The following TASP1 variants were observed in gnomAD, a reference collection of about 807,000 sequenced individuals.
The protein encoded by TASP1 is taspase 1, also known as threonine aspartase 1.
A neutral mutation model predicts 56.6 loss-of-function variants in TASP1; 16 were observed. The ratio of observed to expected loss-of-function variants is 0.28; its 90% CI spans 0.19 to 0.43. TASP1 has a LOEUF of 0.43. Among genes scored for constraint, TASP1 ranks in the 20% least tolerant of loss-of-function variants. The pLI, the probability that TASP1 is intolerant of heterozygous loss-of-function variation, is 1.00. For missense variants in TASP1, 393 were observed against 511.6 expected, an observed-to-expected ratio of 0.77 and a Z score of 2.24; for synonymous variants, 179 against 184.2, an observed-to-expected ratio of 0.97 and a Z score of 0.23.
intron 10 of TASP1, among the ~76,000 whole-genome samples, chr20:13,515,548 TA>T (rs34077486): frequency 0.25 from 30,730 of 122,054 alleles, 3,885 homozygotes; most frequent in Non-Finnish European, 0.32. Flanking sequence ...TTCATACACT[TA>T]AAAAAAAAAA....
the TASP1 span, among the ~76,000 whole-genome samples, chr20:13,180,570 A>T: frequency 6.6e-6 from 1 of 152,116 alleles, no homozygotes; most frequent in East Asian, 1.9e-4. Context: ...AACATTTGTT[A>T]ATTTGTTTGC....
intron 4 of TASP1, among the ~76,000 whole-genome samples, chr20:13,606,179 A>G (rs1354955565): frequency 6.6e-6 from 1 of 151,896 alleles, no homozygotes; most frequent in Admixed American, 6.6e-5. Context: ...TGTATGTATA[A>G]ATACCTGAGG....
chr20:13,370,576 A>T, the TASP1 span, among the ~76,000 whole-genome samples: 2 of 152,182 alleles, frequency 1.3e-5, no homozygotes, highest in African/African-American at 4.8e-5. Flanking sequence ...TTAAAATGAC[A>T]TTTATAATGT....
chr20:13,520,064 A>C (rs1462163158), intron 10 of TASP1, among the ~76,000 whole-genome samples: 1 of 152,222 alleles, frequency 6.6e-6, no homozygotes, highest in Non-Finnish European at 1.5e-5. Context: ...CCAACTTACA[A>C]GGGAAGTGAA....
the TASP1 span, among the ~76,000 whole-genome samples, chr20:13,213,803 A>G: frequency 2.6e-5 from 4 of 152,202 alleles, no homozygotes; most frequent in African/African-American, 9.7e-5. Context: ...TGAGAAGAAC[A>G]TAACATTATC....
At chr20:13,394,338 C>T (rs1469783374) in intron 13 of TASP1, among the ~76,000 whole-genome samples, 69 of 132,640 alleles carry the variant, frequency 5.2e-4, no homozygotes, top group African/African-American at 1.9e-3. Flanking sequence ...AGGCCTGGTG[C>T]GGTAGCTCAC....
chr20:13,626,106 G>A (rs1433841162), intron 2 of TASP1, among the ~76,000 whole-genome samples: 3 of 152,108 alleles, frequency 2.0e-5, no homozygotes, highest in Non-Finnish European at 2.9e-5. Flanking sequence ...AGCCCCATAG[G>A]GGTCCAATGT....
chr20:13,455,154 A>T (rs2043781543), intron 11 of TASP1, among the ~76,000 whole-genome samples: 1 of 152,156 alleles, frequency 6.6e-6, no homozygotes, highest in Admixed American at 6.6e-5. Context: ...TAAAGTTTTT[A>T]AAAAACATTT....
the TASP1 span, among the ~76,000 whole-genome samples, chr20:13,184,740 T>C: frequency 6.6e-6 from 1 of 152,172 alleles, no homozygotes; most frequent in Non-Finnish European, 1.5e-5. Flanking sequence ...CTTCTGCTTT[T>C]TGCCATGAAA....
intron 11 of TASP1, among the ~76,000 whole-genome samples, chr20:13,438,742 T>C (rs2043106414): frequency 6.6e-6 from 1 of 152,138 alleles, no homozygotes. Flanking sequence ...GAGAAAATTT[T>C]TGCAATCTAC....
At chr20:13,424,328 A>G (rs529043211) in intron 12 of TASP1, among the ~76,000 whole-genome samples, 13 of 152,240 alleles carry the variant, frequency 8.5e-5, no homozygotes, top group Non-Finnish European at 1.8e-4. Context: ...TCTCAGTAAA[A>G]GAGTAGCATT....
chr20:13,183,013 G>A, the TASP1 span, among the ~76,000 whole-genome samples: 1 of 152,242 alleles, frequency 6.6e-6, no homozygotes, highest in African/African-American at 2.4e-5. Context: ...CTAACAAGAT[G>A]TGGAGTTTAT....
At chr20:13,356,213 T>G in the TASP1 span, among the ~76,000 whole-genome samples, 1,679 of 152,292 alleles carry the variant, frequency 0.011, 43 homozygotes, top group African/African-American at 0.038. Flanking sequence ...TCTTACATAA[T>G]AAGAGGTTTT....
chr20:13,152,179 G>A, the TASP1 span, among the ~76,000 whole-genome samples: 1 of 152,108 alleles, frequency 6.6e-6, no homozygotes, highest in Non-Finnish European at 1.5e-5. Flanking sequence ...GTAAATTTGT[G>A]TAAGTTACTT....
chr20:13,337,638 T>C, the TASP1 span, among the ~76,000 whole-genome samples: 1 of 152,220 alleles, frequency 6.6e-6, no homozygotes, highest in Non-Finnish European at 1.5e-5. Context: ...TCAGACAGGT[T>C]CTATTAACTT....
chr20:13,549,183 C>G (rs75867905), intron 8 of TASP1, among the ~76,000 whole-genome samples: 2,565 of 152,162 alleles, frequency 0.017, 71 homozygotes, highest in African/African-American at 0.056. Context: ...AACTCTTGAC[C>G]CTTTATACAC....
intron 8 of TASP1, among the ~76,000 whole-genome samples, chr20:13,546,870 AT>A (rs1039583702): frequency 3.7e-4 from 57 of 152,292 alleles, no homozygotes; most frequent in African/African-American, 1.3e-3. Context: ...TAATAATATT[AT>A]TTGGTAATAC....
At chr20:13,563,005 CAT>C (rs1394007493) in intron 7 of TASP1, among the ~76,000 whole-genome samples, 4 of 136,436 alleles carry the variant, frequency 2.9e-5, no homozygotes, top group Admixed American at 2.9e-4. Flanking sequence ...TATACACACA[CAT>C]AGGTGTATAT....
the TASP1 span, among the ~76,000 whole-genome samples, chr20:13,113,009 C>A: frequency 1.3e-5 from 2 of 152,196 alleles, no homozygotes; most frequent in East Asian, 1.9e-4. Context: ...AGGGTGAAAC[C>A]CCACCTCTAC....
Sources: allele counts gnomAD v4.1 joint callset (sites outside exome capture counted in the v4.1 genomes callset), GRCh38; gene constraint gnomAD v4.1.1; transcripts MANE v1.5; gene names NCBI Gene and HGNC (gene_info 2026-07-23, HGNC 2026-07-21).